The following CTNNA2 variants were observed in gnomAD, a reference collection of about 807,000 sequenced individuals.
CTNNA2 encodes catenin alpha-2.
CTNNA2 carries 42 observed loss-of-function variants against 101.0 expected under a neutral mutation model. The observed-to-expected ratio is 0.42, with a 90% confidence interval of 0.32 to 0.54. The LOEUF (loss-of-function observed/expected upper bound fraction) is 0.54, where lower values mean the gene tolerates loss of function less well. CTNNA2 is among the 20% of genes least tolerant of loss of function. The probability of loss-of-function intolerance (pLI) is 0.14; values close to 1 mark genes in which losing one functional copy is unlikely to be tolerated. For synonymous variants in CTNNA2, 450 were observed against 456.4 expected (o/e 0.99, Z 0.18); for missense variants, 871 against 1,223.1 (o/e 0.71, Z 4.29).
At chr2:80,342,658 A>T (rs1672346924) in intron 7 of CTNNA2, among the ~76,000 whole-genome samples, 1 of 152,144 alleles carries the variant, frequency 6.6e-6, no homozygotes, top group Non-Finnish European at 1.5e-5. Context: ...TTCTTTTCAT[A>T]CAAAATTTCA....
intron 7 of CTNNA2, among the ~76,000 whole-genome samples, chr2:80,201,353 A>G (rs1033869511): frequency 1.1e-4 from 14 of 131,004 alleles, no homozygotes; most frequent in African/African-American, 4.1e-4. Flanking sequence ...TATCCACAAT[A>G]TTTCTTTTTC....
intron 7 of CTNNA2, among the ~76,000 whole-genome samples, chr2:80,118,652 T>C (rs1170276742): frequency 6.6e-6 from 1 of 152,230 alleles, no homozygotes; most frequent in Admixed American, 6.5e-5. Context: ...ATGAAGCCAA[T>C]TCATGATCCT....
chr2:80,010,938 A>T (rs1012521194), intron 7 of CTNNA2, among the ~76,000 whole-genome samples: 3 of 152,098 alleles, frequency 2.0e-5, no homozygotes, highest in Non-Finnish European at 4.4e-5. Context: ...CCATATATAG[A>T]TTTTCAAGTG....
At chr2:80,042,772 G>A (rs1054798250) in intron 7 of CTNNA2, among the ~76,000 whole-genome samples, 4 of 152,190 alleles carry the variant, frequency 2.6e-5, no homozygotes, top group African/African-American at 9.6e-5. Flanking sequence ...ATGACTTTTC[G>A]ATTGTTACAG....
chr2:79,524,796 T>C (rs1672311608), intron 1 of CTNNA2: 1 of 151,946 alleles, frequency 6.6e-6, no homozygotes, highest in Non-Finnish European at 1.5e-5. Context: ...CCAATATCAG[T>C]ATATTTGTGA....
intron 4 of CTNNA2, among the ~76,000 whole-genome samples, chr2:79,486,320 C>A (rs573848087): frequency 6.7e-6 from 1 of 150,142 alleles, no homozygotes; most frequent in South Asian, 2.1e-4. Context: ...TGAGAACATG[C>A]GGTGTTTGGT....
chr2:79,632,111 G>A (rs1207293188), intron 1 of CTNNA2, among the ~76,000 whole-genome samples: 2 of 152,020 alleles, frequency 1.3e-5, no homozygotes, highest in East Asian at 1.9e-4. Flanking sequence ...TCCAAATTCC[G>A]TAGTGAGGCT....
At chr2:79,254,242 T>G (rs1674810509) in intron 2 of CTNNA2, among the ~76,000 whole-genome samples, 1 of 152,324 alleles carries the variant, frequency 6.6e-6, no homozygotes, top group Middle Eastern at 3.4e-3. Flanking sequence ...AAGTGGAATG[T>G]CTGCAAAATA....
At position 79,501,558 on chromosome 2, in the gene CTNNA2, T is replaced by C. The variant is rs374350588; in HGVS notation, c.-134-3496T>C. 2.0e-4 allele frequency among the ~76,000 whole-genome samples: 30 copies of C among 152,332 alleles called. No homozygotes were observed. In the South Asian group the frequency reaches 5.0e-3, roughly 25 times the overall value. On this transcript the variant is annotated intron_variant, in intron 4 of 21. Transcript: ENST00000466387. ...ACTGTGGGGAAAGATTTTTTTTCTC[T>C]AATACTGCACTAGATTGCTTATAGA...
chr2:80,034,447 A>G (rs1695523461), intron 7 of CTNNA2, among the ~76,000 whole-genome samples: 1 of 146,438 alleles, frequency 6.8e-6, no homozygotes, highest in Non-Finnish European at 1.5e-5. Context: ...TCCACCTCCC[A>G]GGTTCAAGCG....
At chr2:80,520,111 A>T (rs1689416467) in intron 9 of CTNNA2, among the ~76,000 whole-genome samples, 1 of 152,134 alleles carries the variant, frequency 6.6e-6, no homozygotes, top group Non-Finnish European at 1.5e-5. Flanking sequence ...TGCTGTTAAA[A>T]TAGAAATTTC....
chr2:80,136,245 A>G (rs1702688670), intron 7 of CTNNA2, among the ~76,000 whole-genome samples: 1 of 152,136 alleles, frequency 6.6e-6, no homozygotes, highest in African/African-American at 2.4e-5. Flanking sequence ...GCATTGTATC[A>G]TTGTCCAGGA....
intron 2 of CTNNA2, among the ~76,000 whole-genome samples, chr2:79,696,883 A>G (rs1285985610): frequency 6.6e-6 from 1 of 152,026 alleles, no homozygotes; most frequent in Non-Finnish European, 1.5e-5. Context: ...GCAGGTTTCA[A>G]CAGAGTTCAG....
chr2:79,569,118 A>G (rs1028542798), intron 1 of CTNNA2, among the ~76,000 whole-genome samples: 2 of 152,124 alleles, frequency 1.3e-5, no homozygotes, highest in Non-Finnish European at 2.9e-5. Flanking sequence ...ATTTTTTCAA[A>G]TCACTTCTTA....
intron 11 of CTNNA2, among the ~76,000 whole-genome samples, chr2:80,553,905 G>T (rs1692796676): frequency 6.6e-6 from 1 of 152,090 alleles, no homozygotes; most frequent in African/African-American, 2.4e-5. Flanking sequence ...TCATTAAAAT[G>T]TCATGTCTCA....
chr2:79,930,351 A>G (rs200431527), intron 7 of CTNNA2, among the ~76,000 whole-genome samples: 2 of 87,510 alleles, frequency 2.3e-5, no homozygotes, highest in African/African-American at 7.5e-5. Context: ...AAAGAAAGAA[A>G]GAAAGAATGA....
At chr2:79,418,529 C>T (rs1678507472) in intron 4 of CTNNA2, among the ~76,000 whole-genome samples, 1 of 152,108 alleles carries the variant, frequency 6.6e-6, no homozygotes, top group Admixed American at 6.6e-5. Flanking sequence ...AAGGTGGTTT[C>T]AAAGTCTTTC....
intron 17 of CTNNA2, among the ~76,000 whole-genome samples, chr2:80,609,289 A>T (rs1394143392): frequency 6.6e-6 from 1 of 151,772 alleles, no homozygotes; most frequent in Non-Finnish European, 1.5e-5. Context: ...CCATTTGGTA[A>T]AAACACGTGA....
chr2:80,198,071 T>C (rs946699521), intron 7 of CTNNA2, among the ~76,000 whole-genome samples: 7 of 152,182 alleles, frequency 4.6e-5, no homozygotes, highest in African/African-American at 1.7e-4. Context: ...GGATTGATGC[T>C]TTAGAACCAG....
Sources: gnomAD v4.1 joint callset for allele counts (sites outside exome capture counted in the v4.1 genomes callset) on GRCh38, gnomAD v4.1.1 for gene constraint, MANE v1.5 for transcripts, NCBI Gene and HGNC (gene_info 2026-07-23, HGNC 2026-07-21) for gene names.